MAGI1: variants seen among roughly 807,000 people sequenced by gnomAD.
The protein encoded by MAGI1 is membrane associated guanylate kinase, WW and PDZ domain containing 1.
MAGI1 carries 58 observed loss-of-function variants against 139.9 expected under a neutral mutation model. The ratio of observed to expected loss-of-function variants is 0.41; its 90% confidence interval spans 0.34 to 0.52. MAGI1 has a LOEUF of 0.52. Ranked by LOEUF, MAGI1 falls within the 20% of genes least tolerant of loss-of-function variation. The pLI is 0.12. For missense variants in MAGI1, 1,874 were observed against 1,901.6 expected, an observed-to-expected ratio of 0.99 and a Z score of 0.27; for synonymous variants, 812 against 737.9, an observed-to-expected ratio of 1.10 and a Z score of -1.63.
intron 5 of MAGI1, 155 bp downstream of exon 5, chr3:65,470,128 A>G: frequency 1.7e-6 from 1 of 580,912 alleles, no homozygotes; most frequent in Non-Finnish European, 3.0e-6. Flanking sequence ...ATAATTAATT[A>G]CCTTTTTATG....
At chr3:65,659,145 G>T (rs1245935696) in intron 1 of MAGI1, among the ~76,000 whole-genome samples, 1 of 152,046 alleles carries the variant, frequency 6.6e-6, no homozygotes, top group Non-Finnish European at 1.5e-5. Context: ...TGACTCTCAA[G>T]TCCATGTTCT....
chr3:65,913,179 G>A (rs975912678), intron 1 of MAGI1, among the ~76,000 whole-genome samples: 2 of 152,060 alleles, frequency 1.3e-5, no homozygotes, highest in Admixed American at 6.6e-5. Flanking sequence ...AGGAGGCGGA[G>A]GTTGAACCCA....
At chr3:65,479,623 A>G (rs753818579) in intron 3 of MAGI1, among the ~76,000 whole-genome samples, 16 of 152,180 alleles carry the variant, frequency 1.1e-4, no homozygotes, top group Non-Finnish European at 2.1e-4. Context: ...TTAGAATTTA[A>G]GAAAAAAAGC....
chr3:65,437,626 G>C (rs1947944738), intron 9 of MAGI1, among the ~76,000 whole-genome samples: 1 of 152,096 alleles, frequency 6.6e-6, no homozygotes, highest in South Asian at 2.1e-4. Context: ...CTTAGGTAGG[G>C]AGGAAGATGA....
rs1485085332 is a variant in MAGI1, at chr3:65,735,342, A to G, written c.314-113254T>C. 5.9e-5 allele frequency among the ~76,000 whole-genome samples: 7 copies of G among 118,256 alleles called. No homozygotes were observed. The East Asian group carries it at 2.4e-3, about 41-fold the overall frequency. The allele number at this position is 118,256 out of a possible 152,430, so 77.6% of individuals were successfully genotyped here. On this transcript the variant is annotated intron_variant, in intron 1 of 22. Transcript: ENST00000402939. The stretch of plus-strand genomic sequence containing the variant: ...TAAAAGTGGATAAAGCCTGTTTTTA[A>G]AAGTGTGTCTGCACGTGTGTGTGTG...
intron 1 of MAGI1, among the ~76,000 whole-genome samples, chr3:65,808,212 CA>C (rs2040998883): frequency 6.6e-6 from 1 of 152,064 alleles, no homozygotes; most frequent in Non-Finnish European, 1.5e-5. Context: ...CTCAAACTCC[CA>C]ACCTCAGGTG....
At chr3:65,744,697 G>T (rs2035552059) in intron 1 of MAGI1, among the ~76,000 whole-genome samples, 2 of 151,342 alleles carry the variant, frequency 1.3e-5, no homozygotes, top group African/African-American at 2.4e-5. Context: ...TTTGTTTTCT[G>T]TTTTTTTTAA....
chr3:65,864,663 G>A (rs1382929264), intron 1 of MAGI1, among the ~76,000 whole-genome samples: 1 of 152,156 alleles, frequency 6.6e-6, no homozygotes, highest in Non-Finnish European at 1.5e-5. Context: ...GTGAAGAATG[G>A]AGTGGGGAAC....
rs979713446 is a variant in MAGI1, at chr3:65,674,656, C to T, written c.314-52568G>A. ...AAATAAATTTTAAAAAATTCCAGTG[C>T]GCCCTTCACTTTTTCAGTATTCCCA... On this transcript the variant is annotated intron_variant, in intron 1 of 22. Coordinates refer to ENST00000402939, the MANE Select transcript of MAGI1 (RefSeq NM_001033057.2). 4.6e-5 allele frequency among the ~76,000 whole-genome samples: 7 copies of T among 152,096 alleles called. No homozygotes were observed. In the South Asian group the frequency reaches 8.3e-4, roughly 18 times the overall value.
intron 1 of MAGI1, among the ~76,000 whole-genome samples, chr3:65,869,942 C>T (rs1409905041): frequency 2.0e-5 from 3 of 151,650 alleles, no homozygotes; most frequent in Non-Finnish European, 4.4e-5. Context: ...CAGTGCATCT[C>T]TCCTATTCTT....
intron 1 of MAGI1, among the ~76,000 whole-genome samples, chr3:65,957,769 T>C (rs1264443095): frequency 6.6e-6 from 1 of 151,966 alleles, no homozygotes; most frequent in South Asian, 2.1e-4. Flanking sequence ...GTTGTTGTTG[T>C]TGTTTTGTTT....
At chr3:65,522,992 A>G (rs549066113) in intron 2 of MAGI1, among the ~76,000 whole-genome samples, 24 of 152,222 alleles carry the variant, frequency 1.6e-4, no homozygotes, top group African/African-American at 5.8e-4. Context: ...TATCATTACT[A>G]TGGGTTCTCA....
At chr3:65,966,799 T>C (rs137969300) in intron 1 of MAGI1, among the ~76,000 whole-genome samples, 1 of 152,330 alleles carries the variant, frequency 6.6e-6, no homozygotes, top group African/African-American at 2.4e-5. Context: ...TCTGGCACAG[T>C]ACCAGGCACA....
intron 3 of MAGI1, among the ~76,000 whole-genome samples, chr3:65,482,683 C>CA (rs1951364256): frequency 6.6e-6 from 1 of 152,228 alleles, no homozygotes; most frequent in African/African-American, 2.4e-5. Flanking sequence ...CTGAAACCTA[C>CA]AACCTTTACA....
At chr3:65,589,600 A>T (rs1033719564) in intron 2 of MAGI1, among the ~76,000 whole-genome samples, 1 of 151,820 alleles carries the variant, frequency 6.6e-6, no homozygotes, top group Admixed American at 6.6e-5. Flanking sequence ...GGGTTGGGAA[A>T]TTTTTTCTGT....
chr3:65,802,230 A>G (rs1195692802), intron 1 of MAGI1, among the ~76,000 whole-genome samples: 1 of 152,148 alleles, frequency 6.6e-6, no homozygotes, highest in Non-Finnish European at 1.5e-5. Context: ...TTTGAGGTAC[A>G]ATTCTGCCCT....
intron 1 of MAGI1, among the ~76,000 whole-genome samples, chr3:65,940,624 T>C (rs1056520441): frequency 3.9e-5 from 6 of 152,314 alleles, no homozygotes; most frequent in Admixed American, 3.9e-4. Context: ...ATATAAATTT[T>C]GGGGAGATTC....
At chr3:65,359,264 T>C in intron 22 of MAGI1, 1 of 1,533,318 alleles carries the variant, frequency 6.5e-7, no homozygotes, top group East Asian at 2.3e-5. Flanking sequence ...AAAAAAAATC[T>C]ACATTTGTTA....
intron 1 of MAGI1, among the ~76,000 whole-genome samples, chr3:65,661,994 G>C (rs575115538): frequency 1.1e-4 from 17 of 151,986 alleles, no homozygotes; most frequent in Admixed American, 3.9e-4. Context: ...TGATCCACCT[G>C]CCTCAGCCTC....
Sources: allele counts gnomAD v4.1 joint callset (sites outside exome capture counted in the v4.1 genomes callset), GRCh38; gene constraint gnomAD v4.1.1; transcripts MANE v1.5; gene names NCBI Gene and HGNC (gene_info 2026-07-23, HGNC 2026-07-21).